Variants in ASDURF observed in about 807,000 individuals in gnomAD.
ASDURF encodes the protein ASNSD1 upstream open reading frame, also known as ASDURF protein.
ASDURF carries 3 observed loss-of-function variants against 3.3 expected under a neutral mutation model. The observed-to-expected ratio is 0.92, with a 90% confidence interval of 0.42 to 2.37. The LOEUF is 2.37. ASDURF is among the 30% of genes most tolerant of loss of function. The pLI is 0.05. For synonymous variants in ASDURF, 11 were observed against 8.3 expected (o/e 1.32, Z -0.55); for missense variants, 23 against 25.4 (o/e 0.90, Z 0.21).
intron 2 of ASDURF, among the ~76,000 whole-genome samples, chr2:189,664,699 A>G (rs1252309401): frequency 6.6e-6 from 1 of 152,102 alleles, no homozygotes; most frequent in African/African-American, 2.4e-5. Context: ...CAGTGAGCTG[A>G]GCACACCACT....
chr2:189,664,760 A>G (rs1559034044), intron 2 of ASDURF, among the ~76,000 whole-genome samples: 1 of 152,108 alleles, frequency 6.6e-6, no homozygotes, highest in African/African-American at 2.4e-5. Flanking sequence ...AAAAAAAAAA[A>G]GAAGTTGAGG....
intron 1 of ASDURF, among the ~76,000 whole-genome samples, chr2:189,662,948 CAAAAAA>C (rs67898532): frequency 1.3e-5 from 1 of 77,004 alleles, no homozygotes; most frequent in African/African-American, 5.1e-5. Context: ...GACCCTGTTT[CAAAAAA>C]AAAAAAAAAA....
Position 189,666,400 on chromosome 2 carries a change from A to G in ASDURF, c.*289A>G. ...TGGAATAAAGGTTGAAGCTGAAGAG[A>G]ATGACACTCAAATTTTGTTTAATTA... On this transcript the variant is annotated 3_prime_UTR_variant, in exon 4 of 4. Transcript: ENST00000607829. 1 of 1,614,024 alleles carries G rather than the reference A, an allele frequency of 6.2e-7. No homozygotes were observed. Among genetic ancestry groups the G allele is most frequent in the South Asian group, 1.1e-5 (1 of 91,076 alleles).
chr2:189,666,153 T>C lies in ASDURF; in HGVS notation c.*42T>C, dbSNP rs138559668. 5.7e-6 allele frequency: 9 copies of C among 1,581,512 alleles called. No individual in the cohort carries two copies. The highest frequency in any genetic ancestry group is 2.7e-5 in the African/African-American group (2 of 73,656). ...TAACAATGTGTGGCATTTGTTGTTCTGTAAACTTTTCTGCTGAGCATTTCA... is the reference window on the plus strand; with the variant it reads ...TAACAATGTGTGGCATTTGTTGTTCCGTAAACTTTTCTGCTGAGCATTTCA... On this transcript the variant is annotated 3_prime_UTR_variant, in exon 4 of 4. Transcript: ENST00000607829.
At chr2:189,664,102 GATTCTTTTTTTAA>G (rs1349185155) in intron 2 of ASDURF, 148 bp downstream of exon 2, 1 of 327,644 alleles carries the variant, frequency 3.1e-6, no homozygotes, top group Non-Finnish European at 5.5e-6. Flanking sequence ...CAAGTGTCTA[GATTCTTTTTTTAA>G]ATGGATAGAT....
chr2:189,663,590 C>G (rs1483061868), intron 1 of ASDURF, among the ~76,000 whole-genome samples: 1 of 152,284 alleles, frequency 6.6e-6, no homozygotes, highest in East Asian at 1.9e-4. Context: ...AGGTATAAAC[C>G]TTGTTTAGTA....
chr2:189,666,300 G>T lies in ASDURF; in HGVS notation c.*189G>T, dbSNP rs1272514522. 7.4e-6 allele frequency: 12 copies of T among 1,613,924 alleles called. No individual in the cohort carries two copies. Among genetic ancestry groups the T allele is most frequent in the African/African-American group, 1.3e-5 (1 of 74,904 alleles). On this transcript the variant is annotated 3_prime_UTR_variant, in exon 4 of 4. Transcript: ENST00000607829. The stretch of plus-strand genomic sequence containing the variant: ...TATTTTCTGCTCACGTCCTACACTT[G>T]AGGGGTGTTTTGACTACCCAGCCTG...
In ASDURF at chr2:189,666,192, A is replaced by C. The variant is rs772193931; in HGVS notation, c.*81A>C. On this transcript the variant is annotated 3_prime_UTR_variant, in exon 4 of 4. Coordinates refer to ENST00000607829, the MANE Select transcript of ASDURF (RefSeq NM_001353493.2). ...CTGAGCATTTCAGTCAAGATTTAAA[A>C]GAGGACTTACTATATAATCTTAAAC... is the stretch of plus-strand genomic sequence containing the variant. The C allele has an allele frequency of 1.9e-6, 3 of 1,607,276 alleles. No individual in the cohort carries two copies. In the South Asian group the frequency reaches 3.4e-5, roughly 18 times the overall value.
At chr2:189,661,735 C>A in intron 1 of ASDURF, 125 bp downstream of exon 1, 1 of 397,894 alleles carries the variant, frequency 2.5e-6, no homozygotes. Flanking sequence ...CTACTTTGCT[C>A]TTTTTATTCA....
Position 189,666,311 on chromosome 2 carries a change from T to C in ASDURF, c.*200T>C. ...CACGTCCTACACTTGAGGGGTGTTT[T>C]GACTACCCAGCCTGTGGAAGATGAA... On this transcript the variant is annotated 3_prime_UTR_variant, in exon 4 of 4. Transcript: ENST00000607829. 1 of 1,614,010 alleles carries C rather than the reference T, an allele frequency of 6.2e-7. No individual in the cohort carries two copies. Among genetic ancestry groups the C allele is most frequent in the Non-Finnish European group, 8.5e-7 (1 of 1,179,940 alleles).
rs763498216 is a variant in ASDURF, at chr2:189,666,297, C to T, written c.*186C>T. ...GTTTATTTTCTGCTCACGTCCTACA[C>T]TTGAGGGGTGTTTTGACTACCCAGC... On this transcript the variant is annotated 3_prime_UTR_variant, in exon 4 of 4. Coordinates refer to ENST00000607829, the MANE Select transcript of ASDURF (RefSeq NM_001353493.2). The T allele has an allele frequency of 6.2e-7, 1 of 1,614,074 alleles. No individual in the cohort carries two copies. The highest frequency in any genetic ancestry group is 8.5e-7 in the Non-Finnish European group (1 of 1,179,976).
chr2:189,664,896 G>A (rs2032750231), intron 2 of ASDURF, among the ~76,000 whole-genome samples: 1 of 152,192 alleles, frequency 6.6e-6, no homozygotes, highest in Admixed American at 6.5e-5. Flanking sequence ...TCATGGTAGT[G>A]CACAAAGATT....
At chr2:189,665,843 C>T (rs532594805) in intron 3 of ASDURF, among the ~76,000 whole-genome samples, 198 bp from the exon 4 acceptor site, 4 of 151,582 alleles carry the variant, frequency 2.6e-5, no homozygotes, top group Non-Finnish European at 5.9e-5. Context: ...AATCAGCACT[C>T]GGCAAAACAG....
rs2032780754 is a variant in ASDURF, at chr2:189,665,626, A to ATGTG, written c.220+176_220+177insGTGT. Among the ~76,000 whole-genome samples the ATGTG allele has an allele frequency of 3.3e-5, 4 of 122,462 alleles. 1 individual carries two copies. Among genetic ancestry groups the ATGTG allele is most frequent in the South Asian group, 2.5e-4 (1 of 3,932 alleles). 80.3% of individuals were successfully genotyped at this position (122,462 alleles called of 152,430 possible). On this transcript the variant is annotated intron_variant, in intron 3 of 3. Coordinates refer to ENST00000607829, the MANE Select transcript of ASDURF (RefSeq NM_001353493.2). ...TATATATATATATATATATATATAT[A>ATGTG]TATATATATATATATATATATTATA... is the stretch of plus-strand genomic sequence containing the variant.
rs369157040 is a variant in ASDURF, at chr2:189,661,662, T to C, written c.90+52T>C. The C allele has an allele frequency of 1.3e-4, 52 of 399,156 alleles. 2 individuals are homozygous for C. The highest frequency in any genetic ancestry group is 9.2e-4 in the Admixed American group (21 of 22,726). The allele number at this position is 399,156 out of a possible 1,614,324, so 24.7% of individuals were successfully genotyped here. ...TCCTGGACTCGGGACCGGGCGCCAC[T>C]GGACCCTGAAGGTGGTCCGCAGCGG... On this transcript the variant is annotated intron_variant, in intron 1 of 3. Transcript: ENST00000607829.
intron 2 of ASDURF, among the ~76,000 whole-genome samples, chr2:189,664,663 C>T (rs1181966982): frequency 1.3e-5 from 2 of 152,004 alleles, no homozygotes; most frequent in African/African-American, 2.4e-5. Flanking sequence ...GCACAAGAAT[C>T]GCTTGAACCT....
rs946635224 is a variant in ASDURF, at chr2:189,665,197, G to A, written c.145-179G>A. On this transcript the variant is annotated intron_variant, in intron 2 of 3. Transcript: ENST00000607829. ...ATGGAGAGAAAATAGTTTCATTTCA[G>A]TAGTAGCAATTTCTGGTAGTTGGGC... Among the ~76,000 whole-genome samples, 4 of 152,230 alleles carry A rather than the reference G, an allele frequency of 2.6e-5. No homozygotes were observed. The East Asian group carries it at 5.8e-4, about 22-fold the overall frequency.
In ASDURF at chr2:189,664,589, G is replaced by A. The variant is rs117731715; in HGVS notation, c.144+635G>A. Among the ~76,000 whole-genome samples the A allele has an allele frequency of 6.8e-4, 104 of 152,258 alleles. 2 individuals carry two copies. The East Asian group carries it at 0.019, about 28-fold the overall frequency. ...TATTGTCACTTATGGAATATTAGAA[G>A]TTGAGGCACATACAAAAATTAGCCA... On this transcript the variant is annotated intron_variant, in intron 2 of 3. Transcript: ENST00000607829.
chr2:189,663,228 C>CAT lies in ASDURF; in HGVS notation c.91-662_91-661dup, dbSNP rs753635075. 1.2e-3 allele frequency among the ~76,000 whole-genome samples: 178 copies of CAT among 148,880 alleles called. 1 individual carries two copies. The highest frequency in any genetic ancestry group is 2.1e-3 in the Non-Finnish European group (139 of 67,636). ...CAACTTAATTCCTTTTGGTGTATAT[C>CAT]ATATATATATATTTTTTAAATTATT... is the stretch of plus-strand genomic sequence containing the variant. On this transcript the variant is annotated intron_variant, in intron 1 of 3. Transcript: ENST00000607829.
Sources: gnomAD v4.1 joint callset for allele counts (sites outside exome capture counted in the v4.1 genomes callset) on GRCh38, gnomAD v4.1.1 for gene constraint, MANE v1.5 for transcripts, NCBI Gene and HGNC (gene_info 2026-07-23, HGNC 2026-07-21) for gene names.